CLSTN1: variants seen among roughly 807,000 people sequenced by gnomAD.
The protein encoded by CLSTN1 is calsyntenin 1, also known as calsyntenin-1.
CLSTN1 carries 28 observed loss-of-function variants against 108.3 expected under a neutral mutation model. The ratio of observed to expected loss-of-function variants is 0.26; its 90% CI spans 0.19 to 0.35. CLSTN1 has a LOEUF of 0.35. Ranked by LOEUF, CLSTN1 falls within the 10% of genes least tolerant of loss-of-function variation. The probability of loss-of-function intolerance (pLI) is 1.00; values close to 1 mark genes in which losing one functional copy is unlikely to be tolerated. For synonymous variants in CLSTN1, 524 were observed against 534.9 expected, an observed-to-expected ratio of 0.98 and a Z score of 0.28; for missense variants, 1,157 against 1,302.6, an observed-to-expected ratio of 0.89 and a Z score of 1.72.
At chr1:9,741,326 CA>C in intron 9 of CLSTN1, 70 bp from the exon 10 acceptor site, 2 of 1,449,626 alleles carry the variant, frequency 1.4e-6, no homozygotes, top group Non-Finnish European at 1.9e-6. Context: ...CCATGGAAAC[CA>C]AGTCACCCAA....
At chr1:9,748,855 A>C (rs1490280817) in intron 7 of CLSTN1, among the ~76,000 whole-genome samples, 1 of 152,092 alleles carries the variant, frequency 6.6e-6, no homozygotes, top group Non-Finnish European at 1.5e-5. Context: ...CTCCTATAGA[A>C]GCCCTTTTTG....
At chr1:9,765,330 G>A (rs1363500275) in intron 2 of CLSTN1, among the ~76,000 whole-genome samples, 1 of 151,966 alleles carries the variant, frequency 6.6e-6, no homozygotes, top group Non-Finnish European at 1.5e-5. Flanking sequence ...GTTGCGGTGA[G>A]CTGAGATCGC....
chr1:9,731,075 A>G (rs759131101), intron 18 of CLSTN1, 131 bp downstream of exon 18: 5 of 1,099,684 alleles, frequency 4.5e-6, no homozygotes, highest in Non-Finnish European at 6.8e-6. Flanking sequence ...GAAGACACCT[A>G]AGCCCCAGGC....
chr1:9,796,266 CAA>C (rs70998312), intron 1 of CLSTN1, among the ~76,000 whole-genome samples: 3,715 of 125,848 alleles, frequency 0.03, 181 homozygotes, highest in African/African-American at 0.085. Context: ...TCTCCAAAAA[CAA>C]AAAAAAAAAC....
chr1:9,768,227 A>G (rs896165160), intron 2 of CLSTN1, among the ~76,000 whole-genome samples: 1 of 122,972 alleles, frequency 8.1e-6, no homozygotes, highest in Admixed American at 8.3e-5. Context: ...GGACGGCACC[A>G]TGGGGGCGGG....
In CLSTN1 at chr1:9,756,112, C is replaced by T. The variant is rs146780608; in HGVS notation, c.244+369G>A. Among the ~76,000 whole-genome samples, 648 of 152,276 alleles carry T rather than the reference C, an allele frequency of 4.3e-3. 9 individuals are homozygous for T. Among genetic ancestry groups the T allele is most frequent in the Admixed American group, 0.025 (382 of 15,292 alleles). On this transcript the variant is annotated intron_variant, in intron 3 of 18. Coordinates refer to ENST00000377298, the MANE Select transcript of CLSTN1 (RefSeq NM_001009566.3). ...GTTTCCATTCTTGTCCATGGGAGAA[C>T]AGTATAAATGTTTTGATGTCGATGT... is the stretch of plus-strand genomic sequence containing the variant.
intron 1 of CLSTN1, among the ~76,000 whole-genome samples, chr1:9,778,732 G>C (rs1349692887): frequency 6.6e-6 from 1 of 152,038 alleles, no homozygotes; most frequent in Non-Finnish European, 1.5e-5. Context: ...AGAGAATAAG[G>C]GGCCGGATGC....
chr1:9,763,466 T>C (rs1050033886), intron 2 of CLSTN1, among the ~76,000 whole-genome samples: 3 of 152,190 alleles, frequency 2.0e-5, no homozygotes, highest in African/African-American at 7.2e-5. Flanking sequence ...ATCTGCATTT[T>C]GAGCAAGCAC....
At chr1:9,777,935 C>T (rs1392596995) in intron 1 of CLSTN1, among the ~76,000 whole-genome samples, 1 of 152,116 alleles carries the variant, frequency 6.6e-6, no homozygotes, top group Admixed American at 6.6e-5. Context: ...CTGCTGCTCT[C>T]ACCAACCTCG....
At chr1:9,758,150 T>C (rs1027788259) in intron 2 of CLSTN1, among the ~76,000 whole-genome samples, 4 of 151,458 alleles carry the variant, frequency 2.6e-5, no homozygotes, top group African/African-American at 9.7e-5. Flanking sequence ...TGCACCACCA[T>C]GCCTGGCTAA....
intron 1 of CLSTN1, among the ~76,000 whole-genome samples, chr1:9,794,600 C>A (rs971714764): frequency 6.6e-6 from 1 of 151,504 alleles, no homozygotes; most frequent in South Asian, 2.2e-4. Context: ...TGAACCACCA[C>A]GTCTGGCCTT....
chr1:9,742,449 T>C (rs565416194), intron 9 of CLSTN1, among the ~76,000 whole-genome samples: 1 of 152,326 alleles, frequency 6.6e-6, no homozygotes, highest in African/African-American at 2.4e-5. Context: ...GGGCTATTCT[T>C]TAATCTGTCT....
At chr1:9,775,059 C>G (rs985895830) in intron 1 of CLSTN1, among the ~76,000 whole-genome samples, 5 of 152,094 alleles carry the variant, frequency 3.3e-5, no homozygotes, top group African/African-American at 1.2e-4. Flanking sequence ...GCAGTGAGGA[C>G]GACCAGAAGT....
rs1286623977 is a variant in CLSTN1, at chr1:9,744,370, A to G, written c.1234+25T>C. 2.5e-6 allele frequency: 4 copies of G among 1,586,594 alleles called. No homozygotes were observed. The African/African-American group carries it at 5.4e-5, about 21-fold the overall frequency. ...ACCCTACTGGACACTGGGGCCTGGC[A>G]TCGCTTGCAGAGCTATTACCCTACC... is the stretch of plus-strand genomic sequence containing the variant. On this transcript the variant is annotated intron_variant, in intron 8 of 18. Coordinates refer to ENST00000377298, the MANE Select transcript of CLSTN1 (RefSeq NM_001009566.3).
chr1:9,814,247 C>CAAAAAAAAA (rs558624346), intron 1 of CLSTN1, among the ~76,000 whole-genome samples: 26 of 94,926 alleles, frequency 2.7e-4, no homozygotes, highest in African/African-American at 4.2e-4. Context: ...CCATCTCTAC[C>CAAAAAAAAA]AAAAAAAAAA....
intron 1 of CLSTN1, among the ~76,000 whole-genome samples, chr1:9,778,223 AACACACACACACACACACACACAC>A (rs57372437): frequency 5.2e-5 from 7 of 134,424 alleles, no homozygotes; most frequent in Non-Finnish European, 9.6e-5. Flanking sequence ...TCTCCTCCCC[AACACACACACACACACACACACAC>A]ACACACACAC....
At chr1:9,781,139 CT>C in intron 1 of CLSTN1, 1 of 755,028 alleles carries the variant, frequency 1.3e-6, no homozygotes, top group Admixed American at 2.0e-5. Flanking sequence ...TTGTGTACGG[CT>C]TTGTGAACAA....
At position 9,756,062 on chromosome 1, in the gene CLSTN1, A is replaced by AG. The variant is rs141603809; in HGVS notation, c.244+418_244+419insC. ...TTCTCTACATCTAAATTGGCTCACA[A>AG]CTTAATTAGGAGTTAAAAATCTATG... On this transcript the variant is annotated intron_variant, in intron 3 of 18. Transcript: ENST00000377298. Among the ~76,000 whole-genome samples the AG allele has an allele frequency of 4.3e-3, 661 of 152,282 alleles. 12 individuals carry two copies. The highest frequency in any genetic ancestry group is 0.043 in the East Asian group (223 of 5,186).
chr1:9,729,710 C>T lies in CLSTN1; in HGVS notation c.*798G>A, dbSNP rs1001196341. 6.6e-6 allele frequency: 1 copy of T among 152,198 alleles called. No individual in the cohort carries two copies. The highest frequency in any genetic ancestry group is 1.5e-5 in the Non-Finnish European group (1 of 68,346). 9.4% of individuals were successfully genotyped at this position (152,198 alleles called of 1,614,324 possible). On this transcript the variant is annotated 3_prime_UTR_variant, in exon 19 of 19. Transcript: ENST00000377298. The stretch of plus-strand genomic sequence containing the variant: ...AGTGTGGAAAAGGGGCCAGGGACCC[C>T]GCACCCCACACCAAATTAGGAACAG...
Sources: allele counts gnomAD v4.1 joint callset (sites outside exome capture counted in the v4.1 genomes callset), GRCh38; gene constraint gnomAD v4.1.1; transcripts MANE v1.5; gene names NCBI Gene and HGNC (gene_info 2026-07-23, HGNC 2026-07-21).